The following PCDHA10 variants were observed in gnomAD, a reference collection of about 807,000 sequenced individuals.
PCDHA10 encodes protocadherin alpha-10.
In PCDHA10, 45 loss-of-function variants were observed where a neutral mutation model predicts 61.2. The observed-to-expected ratio is 0.74, with a 90% CI of 0.58 to 0.94. The LOEUF is 0.94. Among genes scored for constraint, PCDHA10 ranks in the 40% least tolerant of loss-of-function variants. The pLI is 0.00. For synonymous variants in PCDHA10, 602 were observed against 548.8 expected (o/e 1.10, Z -1.35); for missense variants, 1,278 against 1,236.2 (o/e 1.03, Z -0.51).
intron 3 of PCDHA10, among the ~76,000 whole-genome samples, chr5:141,007,174 G>A (rs926344346): frequency 6.6e-6 from 1 of 152,118 alleles, no homozygotes; most frequent in African/African-American, 2.4e-5. Context: ...AGAGAGAAAG[G>A]TCAGGAGAAT....
chr5:140,857,326 G>A lies in PCDHA10; in HGVS notation c.1278G>A (p.Ala426=). 2.5e-6 allele frequency: 4 copies of A among 1,598,700 alleles called. No individual in the cohort carries two copies. Among genetic ancestry groups the A allele is most frequent in the Non-Finnish European group, 1.7e-6 (2 of 1,168,022 alleles). The change falls in exon 1 of 4, where the codon GCG becomes GCA. Residue 426 remains alanine, a synonymous_variant. Coordinates refer to ENST00000307360, the MANE Select transcript of PCDHA10 (RefSeq NM_018901.4). The part of the protein sequence containing the change: ...RVSAYELVVT[A]RDGGSPPLWA... The stretch of plus-strand genomic sequence containing the variant: ...CGGCCTATGAGCTGGTGGTGACCGC[G>A]CGGGACGGGGGCTCGCCTCCGCTGT...
chr5:140,940,265 C>T (rs782351194), intron 1 of PCDHA10, among the ~76,000 whole-genome samples: 1 of 152,116 alleles, frequency 6.6e-6, no homozygotes, highest in Non-Finnish European at 1.5e-5. Flanking sequence ...CTTCTGGGTT[C>T]CACTGTTGTC....
chr5:140,864,821 G>A (rs575763318), intron 1 of PCDHA10: 20 of 152,124 alleles, frequency 1.3e-4, no homozygotes, highest in Middle Eastern at 3.4e-3. Flanking sequence ...CACTTATTTG[G>A]GCTTTAAGTA....
rs144119560 is a variant in PCDHA10 at position 140,883,581 on chromosome 5, C to G, written c.2388+25145C>G. ...GGGGGCTCGCCTTCGCTGTGGGCCACGGCCAGCGTGTCGGTGGGGGTGGCC... is the reference window on the plus strand; with the variant it reads ...GGGGGCTCGCCTTCGCTGTGGGCCAGGGCCAGCGTGTCGGTGGGGGTGGCC... On this transcript the variant is annotated intron_variant, in intron 1 of 3. Coordinates refer to ENST00000307360, the MANE Select transcript of PCDHA10 (RefSeq NM_018901.4). 2.6e-4 allele frequency: 420 copies of G among 1,614,018 alleles called. 1 individual carries two copies. In the African/African-American group the frequency reaches 5.3e-3, roughly 20 times the overall value.
intron 1 of PCDHA10, among the ~76,000 whole-genome samples, chr5:140,897,824 A>G (rs1234550995): frequency 2.6e-5 from 4 of 152,016 alleles, no homozygotes; most frequent in African/African-American, 9.7e-5. Flanking sequence ...AAGTGTTCCT[A>G]TTTCTCCACA....
Position 140,966,357 on chromosome 5 carries a change from T to A in PCDHA10, c.2389-12592T>A, listed in dbSNP as rs3756326. ...AGGTCCAGGGTGAAGGAGATGGGGCTGGAGAGGCTGAGCAGTCCGGGTTCG... is the reference window on the plus strand; with the variant it reads ...AGGTCCAGGGTGAAGGAGATGGGGCAGGAGAGGCTGAGCAGTCCGGGTTCG... On this transcript the variant is annotated intron_variant, in intron 1 of 3. Coordinates refer to ENST00000307360, the MANE Select transcript of PCDHA10 (RefSeq NM_018901.4). The A allele has an allele frequency of 3.3e-4, 131 of 400,654 alleles. 3 individuals are homozygous for A. Among genetic ancestry groups the A allele is most frequent in the East Asian group, 2.0e-3 (56 of 27,900 alleles). The allele number at this position is 400,654 out of a possible 1,614,324, so 24.8% of individuals were successfully genotyped here.
intron 1 of PCDHA10, among the ~76,000 whole-genome samples, chr5:140,892,282 ACTT>A (rs1405766060): frequency 1.3e-5 from 2 of 152,178 alleles, no homozygotes; most frequent in African/African-American, 4.8e-5. Flanking sequence ...TGTATTAAAC[ACTT>A]CTTCCTGGAA....
intron 1 of PCDHA10, among the ~76,000 whole-genome samples, chr5:140,922,883 T>A (rs963654982): frequency 2.6e-5 from 4 of 152,134 alleles, no homozygotes; most frequent in Admixed American, 2.0e-4. Flanking sequence ...TCCAAAGACA[T>A]CATTCAAGAA....
At chr5:140,928,007 A>G in intron 1 of PCDHA10, 3 of 1,614,116 alleles carry the variant, frequency 1.9e-6, no homozygotes, top group Non-Finnish European at 2.5e-6. Context: ...CTCGATTCTA[A>G]TGGTAGGGTC....
chr5:140,882,717 C>G (rs1311295002), intron 1 of PCDHA10: 1 of 1,614,102 alleles, frequency 6.2e-7, no homozygotes, highest in South Asian at 1.1e-5. Flanking sequence ...CCTCCGGAAA[C>G]TCGATTTCCA....
At chr5:140,919,222 C>G (rs1367427149) in intron 1 of PCDHA10, among the ~76,000 whole-genome samples, 3 of 152,144 alleles carry the variant, frequency 2.0e-5, no homozygotes, top group African/African-American at 7.2e-5. Flanking sequence ...TTCTTGATTT[C>G]TAGTAACACT....
intron 1 of PCDHA10, chr5:140,967,751 T>G: frequency 6.2e-7 from 1 of 1,614,138 alleles, no homozygotes; most frequent in African/African-American, 1.3e-5. Context: ...TGAGGAAGCC[T>G]CCTCCTACCA....
chr5:140,985,975 G>A (rs2097182023), intron 3 of PCDHA10, among the ~76,000 whole-genome samples: 2 of 152,148 alleles, frequency 1.3e-5, no homozygotes, highest in South Asian at 2.1e-4. Flanking sequence ...TCCTGACCTC[G>A]TGATCCGCCC....
intron 1 of PCDHA10, chr5:140,926,719 A>C: frequency 2.0e-6 from 2 of 986,548 alleles, no homozygotes; most frequent in Non-Finnish European, 2.7e-6. Context: ...AGCCCCGGCA[A>C]TGCCGGCGTT....
At chr5:140,953,035 C>A (rs2094836412) in intron 1 of PCDHA10, among the ~76,000 whole-genome samples, 1 of 152,116 alleles carries the variant, frequency 6.6e-6, no homozygotes, top group Admixed American at 6.5e-5. Flanking sequence ...GGAAATCCAC[C>A]CCCATGATCC....
intron 3 of PCDHA10, among the ~76,000 whole-genome samples, chr5:140,999,585 G>C (rs1240906342): frequency 6.6e-6 from 1 of 152,152 alleles, no homozygotes; most frequent in Non-Finnish European, 1.5e-5. Flanking sequence ...AAGGGAAATT[G>C]CCTTCCCTAC....
At chr5:140,871,334 T>G (rs1554165439) in intron 1 of PCDHA10, 1 of 1,614,044 alleles carries the variant, frequency 6.2e-7, no homozygotes, top group African/African-American at 1.3e-5. Flanking sequence ...TCCCGCGCGG[T>G]GGGGAGCTGG....
chr5:140,903,823 G>A (rs1303323584), intron 1 of PCDHA10, among the ~76,000 whole-genome samples: 1 of 152,048 alleles, frequency 6.6e-6, no homozygotes, highest in Non-Finnish European at 1.5e-5. Flanking sequence ...TCACATGAAT[G>A]TCTGTTGGTA....
chr5:140,858,297 A>G lies in PCDHA10; in HGVS notation c.2249A>G (p.Gln750Arg). 2 of 1,597,406 alleles carry G rather than the reference A, an allele frequency of 1.3e-6. No homozygotes were observed. The highest frequency in any genetic ancestry group is 1.7e-6 in the Non-Finnish European group (2 of 1,167,228). ...SSAVGSWSYS[Q>R]QRRQRVCSGE... ...GCGGTGGGGAGCTGGTCTTACTCGCAGCAGAGGCGGCAGAGGGTGTGTTCT... is the reference window on the plus strand; with the variant it reads ...GCGGTGGGGAGCTGGTCTTACTCGCGGCAGAGGCGGCAGAGGGTGTGTTCT... Residue 750 changes from glutamine to arginine, a missense_variant, in exon 1 of 4, where the codon CAG becomes CGG. Physicochemically the swap from Gln to Arg is conservative, Grantham distance 43 (BLOSUM62 1). Coordinates refer to ENST00000307360, the MANE Select transcript of PCDHA10 (RefSeq NM_018901.4).
Sources: allele counts gnomAD v4.1 joint callset (sites outside exome capture counted in the v4.1 genomes callset), GRCh38; gene constraint gnomAD v4.1.1; transcripts MANE v1.5; gene names NCBI Gene and HGNC (gene_info 2026-07-23, HGNC 2026-07-21).